Variants in SIRT1 observed in about 807,000 individuals in gnomAD.
SIRT1 encodes NAD-dependent protein deacetylase sirtuin-1.
Under a neutral mutation model 67.9 loss-of-function variants are expected in SIRT1, and 24 were observed. The ratio of observed to expected loss-of-function variants is 0.35; its 90% confidence interval spans 0.26 to 0.50. The LOEUF is 0.50. Ranked by LOEUF, SIRT1 falls within the 20% of genes least tolerant of loss-of-function variation. SIRT1 has a pLI of 0.98. For synonymous variants in SIRT1, 378 were observed against 350.7 expected, an observed-to-expected ratio of 1.08 and a Z score of -0.87; for missense variants, 873 against 937.2, an observed-to-expected ratio of 0.93 and a Z score of 0.89.
intron 7 of SIRT1, among the ~76,000 whole-genome samples, chr10:67,910,500 AG>A (rs1265000570): frequency 6.6e-6 from 1 of 152,244 alleles, no homozygotes; most frequent in Non-Finnish European, 1.5e-5. Context: ...TGCAAGGGTT[AG>A]CATCAATTAA....
At chr10:67,887,265 T>A in intron 1 of SIRT1, 152 bp from the exon 2 acceptor site, 2 of 483,022 alleles carry the variant, frequency 4.1e-6, no homozygotes, top group East Asian at 3.4e-5. Context: ...ACTGTTCCAA[T>A]GAACAGTGCA....
chr10:67,908,144 T>C lies in SIRT1; in HGVS notation c.1170+19T>C, dbSNP rs1842848526. ...TAATCAGGTAATTTGTTGCCCATATTTTAGGAATTGTTCATGTCTCTGAAG... is the reference window on the plus strand; with the variant it reads ...TAATCAGGTAATTTGTTGCCCATATCTTAGGAATTGTTCATGTCTCTGAAG... On this transcript the variant is annotated intron_variant, in intron 6 of 8. Transcript: ENST00000212015. The C allele has an allele frequency of 1.2e-6, 2 of 1,602,942 alleles. No individual in the cohort carries two copies. The highest frequency in any genetic ancestry group is 3.4e-5 in the Admixed American group (2 of 59,614).
At chr10:67,892,887 C>G (rs774064317) in intron 4 of SIRT1, among the ~76,000 whole-genome samples, 3 of 152,194 alleles carry the variant, frequency 2.0e-5, no homozygotes, top group Non-Finnish European at 4.4e-5. Context: ...TAGGCGTGAG[C>G]CACCGCGCCT....
intron 4 of SIRT1, among the ~76,000 whole-genome samples, chr10:67,898,827 C>G (rs1842698873): frequency 6.6e-6 from 1 of 152,088 alleles, no homozygotes; most frequent in African/African-American, 2.4e-5. Flanking sequence ...CAGAGCAAGA[C>G]CCATCCCTGA....
intron 1 of SIRT1, among the ~76,000 whole-genome samples, chr10:67,886,725 T>C (rs985347621): frequency 6.6e-6 from 1 of 152,152 alleles, no homozygotes; most frequent in East Asian, 1.9e-4. Context: ...CTTGTAGTAT[T>C]GTGTAAGTTT....
chr10:67,907,428 G>T (rs1842836241), intron 5 of SIRT1, among the ~76,000 whole-genome samples: 1 of 148,432 alleles, frequency 6.7e-6, no homozygotes, highest in Non-Finnish European at 1.5e-5. Flanking sequence ...CTGGGAGTTG[G>T]AGGTTGCAGC....
At chr10:67,894,611 C>G (rs534601039) in intron 4 of SIRT1, among the ~76,000 whole-genome samples, 49 of 152,224 alleles carry the variant, frequency 3.2e-4, no homozygotes, top group Admixed American at 2.4e-3. Flanking sequence ...AAAAACTTGA[C>G]TCACTAGTTA....
intron 4 of SIRT1, among the ~76,000 whole-genome samples, chr10:67,900,009 G>C (rs35689145): frequency 6.6e-6 from 1 of 151,952 alleles, no homozygotes; most frequent in African/African-American, 2.4e-5. Flanking sequence ...GCTTGAACTC[G>C]GGAGGCGGAG....
chr10:67,898,011 C>G (rs1330058210), intron 4 of SIRT1, among the ~76,000 whole-genome samples: 4 of 138,380 alleles, frequency 2.9e-5, no homozygotes, highest in Non-Finnish European at 6.1e-5. Flanking sequence ...TGGCTCACGC[C>G]TGTAATCCCA....
Position 67,906,068 on chromosome 10 carries a change from T to G in SIRT1, c.943-722T>G, listed in dbSNP as rs1005841948. The G allele has an allele frequency of 4.6e-6, 5 of 1,095,134 alleles. No individual in the cohort carries two copies. The African/African-American group carries it at 8.2e-5, about 18-fold the overall frequency. 67.8% of individuals were successfully genotyped at this position (1,095,134 alleles called of 1,614,324 possible). ...CCATAGTCACTTACTAAATGGAATTTAATAAAAACACTGTCAAAAGTTGGG... is the reference window on the plus strand; with the variant it reads ...CCATAGTCACTTACTAAATGGAATTGAATAAAAACACTGTCAAAAGTTGGG... On this transcript the variant is annotated intron_variant, in intron 4 of 8. Transcript: ENST00000212015.
intron 4 of SIRT1, among the ~76,000 whole-genome samples, chr10:67,900,069 G>A (rs1842718060): frequency 6.6e-6 from 1 of 152,118 alleles, no homozygotes; most frequent in Non-Finnish European, 1.5e-5. Flanking sequence ...GGGCAACAGA[G>A]CGAGACTCTA....
At chr10:67,888,108 A>G (rs949935628) in intron 2 of SIRT1, among the ~76,000 whole-genome samples, 3 of 152,240 alleles carry the variant, frequency 2.0e-5, no homozygotes, top group Non-Finnish European at 4.4e-5. Flanking sequence ...AGTGCCTGGC[A>G]CATAGTTTGT....
rs540368705 is a variant in SIRT1, at chr10:67,893,095, A to G, written c.942+1541A>G. 9.2e-5 allele frequency among the ~76,000 whole-genome samples: 14 copies of G among 152,282 alleles called. No individual in the cohort carries two copies. The East Asian group carries it at 2.5e-3, about 27-fold the overall frequency. ...TTGGAAAGAAATTACAAAATTTGTT[A>G]TTGTTAAACTTGGAGGTATATATAT... On this transcript the variant is annotated intron_variant, in intron 4 of 8. Coordinates refer to ENST00000212015, the MANE Select transcript of SIRT1 (RefSeq NM_012238.5).
intron 4 of SIRT1, among the ~76,000 whole-genome samples, chr10:67,893,745 A>G (rs543090290): frequency 5.9e-5 from 9 of 152,044 alleles, no homozygotes; most frequent in South Asian, 2.1e-4. Flanking sequence ...GGGATTCACT[A>G]TGTTGGCCAG....
At chr10:67,890,790 G>GCC (rs1842558450) in intron 3 of SIRT1, among the ~76,000 whole-genome samples, 1 of 151,872 alleles carries the variant, frequency 6.6e-6, no homozygotes, top group Non-Finnish European at 1.5e-5. Context: ...CAGCACTTTG[G>GCC]GAGGCTGAGG....
rs2029938705 is a variant in SIRT1, at chr10:67,916,933, A to G, written c.*340A>G. 6.2e-6 allele frequency: 1 copy of G among 162,268 alleles called. No individual in the cohort carries two copies. Among genetic ancestry groups the G allele is most frequent in the Non-Finnish European group, 1.3e-5 (1 of 74,850 alleles). 10.1% of individuals were successfully genotyped at this position (162,268 alleles called of 1,614,324 possible). ...TTTGTTTTGTCTAGTGAGTTTCAAC[A>G]TTTTTAAAGTTTTCAAAAAGCCATC... On this transcript the variant is annotated 3_prime_UTR_variant, in exon 9 of 9. Transcript: ENST00000212015.
chr10:67,904,239 C>T (rs1842788135), intron 4 of SIRT1, among the ~76,000 whole-genome samples: 1 of 151,606 alleles, frequency 6.6e-6, no homozygotes, highest in Non-Finnish European at 1.5e-5. Context: ...GTGATCCTCC[C>T]ACCTCAGCCT....
intron 4 of SIRT1, 144 bp downstream of exon 4, chr10:67,891,698 T>A: frequency 1.3e-6 from 1 of 768,298 alleles, no homozygotes; most frequent in Non-Finnish European, 2.1e-6. Flanking sequence ...TCATTATGGC[T>A]AGAATTCCTT....
At chr10:67,914,274 G>A (rs557053407) in intron 8 of SIRT1, among the ~76,000 whole-genome samples, 3 of 152,136 alleles carry the variant, frequency 2.0e-5, no homozygotes, top group Admixed American at 1.3e-4. Context: ...GTTTCGCCAT[G>A]TTGGTCAGGC....
Sources: gnomAD v4.1 joint callset for allele counts (sites outside exome capture counted in the v4.1 genomes callset) on GRCh38, gnomAD v4.1.1 for gene constraint, MANE v1.5 for transcripts, NCBI Gene and HGNC (gene_info 2026-07-23, HGNC 2026-07-21) for gene names.